Variants in ZZEF1 observed in about 807,000 individuals in gnomAD.
The protein encoded by ZZEF1 is zinc finger ZZ-type and EF-hand domain-containing protein 1.
ZZEF1 carries 157 observed loss-of-function variants against 342.8 expected under a neutral mutation model. The observed-to-expected ratio is 0.46, with a 90% confidence interval of 0.40 to 0.52. ZZEF1 has a LOEUF of 0.52. Among genes scored for constraint, ZZEF1 ranks in the 20% least tolerant of loss-of-function variants. ZZEF1 has a pLI of 0.00. For missense variants in ZZEF1, 3,480 were observed against 3,725.6 expected (o/e 0.93, Z 1.72); for synonymous variants, 1,505 against 1,429.1 (o/e 1.05, Z -1.20).
Position 4,090,852 on chromosome 17 carries a change from C to T in ZZEF1, c.1914-22G>A. On this transcript the variant is annotated intron_variant, in intron 11 of 54. Coordinates refer to ENST00000381638, the MANE Select transcript of ZZEF1 (RefSeq NM_015113.4). ...AATCCTGTAAAGACAAGAGTATTCA[C>T]AAAACATTTTATTTTGAAACTTCTC... 3 of 1,590,214 alleles carry T rather than the reference C, an allele frequency of 1.9e-6. 1 individual carries two copies. In the South Asian group the frequency reaches 3.3e-5, roughly 18 times the overall value.
rs1446638652 is a variant in ZZEF1, at chr17:4,135,720, C to T, written c.354+6822G>A. ...ACAACCTGCAGATCACTGATAACAG[C>T]GATCAGGTCCTCGGAGTTCCTGCCA... On this transcript the variant is annotated intron_variant, in intron 1 of 54. Coordinates refer to ENST00000381638, the MANE Select transcript of ZZEF1 (RefSeq NM_015113.4). Among the ~76,000 whole-genome samples the T allele has an allele frequency of 4.6e-5, 7 of 152,144 alleles. No homozygotes were observed. In the East Asian group the frequency reaches 9.6e-4, roughly 21 times the overall value.
intron 1 of ZZEF1, among the ~76,000 whole-genome samples, chr17:4,137,376 C>T (rs575994714): frequency 4.5e-4 from 69 of 152,236 alleles, no homozygotes; most frequent in South Asian, 2.3e-3. Flanking sequence ...TTTGGGAGGC[C>T]GAGGTGGGCG....
Position 4,109,714 on chromosome 17 carries a change from G to C in ZZEF1, c.1216C>G (p.Leu406Val), listed in dbSNP as rs762672001. 2 of 1,614,174 alleles carry C rather than the reference G, an allele frequency of 1.2e-6. No individual in the cohort carries two copies. The highest frequency in any genetic ancestry group is 3.3e-5 in the Admixed American group (2 of 60,018). Reference sequence around the variant, plus strand: ...TTTGTCTCCATAGAAGCCGTCACCAGAGATGTCAGCAGAGACCAATACCAT... The same window carrying C: ...TTTGTCTCCATAGAAGCCGTCACCACAGATGTCAGCAGAGACCAATACCAT... ...AIWYWSLLTS[L>V]VTASMETNPA... The change falls in exon 6 of 55, where the codon CTG becomes GTG. Residue 406 changes from leucine (L) to valine (V), a missense_variant. This residue lies in a region of ZZEF1 where 1,528 missense variants were observed against 1,624.1 expected (regional missense o/e 0.94). Coordinates refer to ENST00000381638, the MANE Select transcript of ZZEF1 (RefSeq NM_015113.4).
At chr17:4,101,618 C>T (rs558535450) in intron 9 of ZZEF1, among the ~76,000 whole-genome samples, 2 of 151,834 alleles carry the variant, frequency 1.3e-5, no homozygotes, top group South Asian at 2.1e-4. Flanking sequence ...TCTGGAAATA[C>T]CCTTCTTTGT....
At chr17:4,088,082 G>T (rs528613232) in intron 13 of ZZEF1, among the ~76,000 whole-genome samples, 2 of 152,100 alleles carry the variant, frequency 1.3e-5, no homozygotes, top group Non-Finnish European at 2.9e-5. Context: ...AATGTGCCCT[G>T]AAGCAGAATG....
chr17:4,075,408 G>T lies in ZZEF1; in HGVS notation c.3256C>A (p.Gln1086Lys). 6.2e-7 allele frequency: 1 copy of T among 1,613,962 alleles called. No individual in the cohort carries two copies. Residue 1086 changes from glutamine to lysine, a missense_variant, in exon 22 of 55, where the codon CAG (glutamine) becomes AAG (lysine). Coordinates refer to ENST00000381638, the MANE Select transcript of ZZEF1 (RefSeq NM_015113.4). Reference protein sequence around the residue: ...LRKLDVETWQQEQPVVLHTWT... With the variant: ...LRKLDVETWQKEQPVVLHTWT... ...GTATGTAACACCACAGGCTGTTCCTGTTGCCAGGTCTCAACATCCAGCTAT... is the reference window on the plus strand; with the variant it reads ...GTATGTAACACCACAGGCTGTTCCTTTTGCCAGGTCTCAACATCCAGCTAT...
intron 30 of ZZEF1, among the ~76,000 whole-genome samples, chr17:4,060,583 A>C (rs1178237206): frequency 2.0e-5 from 3 of 150,504 alleles, no homozygotes; most frequent in Admixed American, 6.6e-5. Flanking sequence ...AACAACAACA[A>C]AAAACAAACA....
chr17:4,123,483 A>G (rs1485170953), intron 2 of ZZEF1, among the ~76,000 whole-genome samples: 1 of 151,882 alleles, frequency 6.6e-6, no homozygotes, highest in African/African-American at 2.4e-5. Flanking sequence ...GTGAGGACAG[A>G]GCAGAAATAA....
At chr17:4,102,208 C>G in intron 9 of ZZEF1, 109 bp downstream of exon 9, 1 of 961,276 alleles carries the variant, frequency 1.0e-6, no homozygotes, top group Non-Finnish European at 1.6e-6. Context: ...GAGAAACAAC[C>G]TAAAATTGAA....
chr17:4,046,453 A>G (rs961740775), intron 37 of ZZEF1, among the ~76,000 whole-genome samples: 9 of 152,206 alleles, frequency 5.9e-5, no homozygotes, highest in Non-Finnish European at 1.3e-4. Flanking sequence ...AGGTCTGAGA[A>G]GGCCAAACGT....
Position 4,066,483 on chromosome 17 carries a change from T to C in ZZEF1, c.4213A>G (p.Ser1405Gly), listed in dbSNP as rs907865354. Residue 1405 changes from serine to glycine, a missense_variant, in exon 28 of 55, where the codon AGT becomes GGT. By Grantham distance (56) the Ser-to-Gly change is moderately conservative (BLOSUM62 0). Coordinates refer to ENST00000381638, the MANE Select transcript of ZZEF1 (RefSeq NM_015113.4). ...SLGNEAEEKH[S>G]SEATEVNPES... ...GGGTTCACCTCAGTAGCTTCTGAACTATGTTTTTCTTCTGCTTCATTCCCC... is the reference window on the plus strand; with the variant it reads ...GGGTTCACCTCAGTAGCTTCTGAACCATGTTTTTCTTCTGCTTCATTCCCC... The C allele has an allele frequency of 1.9e-6, 3 of 1,614,122 alleles. No individual in the cohort carries two copies. Among genetic ancestry groups the C allele is most frequent in the Non-Finnish European group, 2.5e-6 (3 of 1,180,014 alleles).
At position 4,024,528 on chromosome 17, in the gene ZZEF1, C is replaced by T. The variant is rs947466398; in HGVS notation, c.7092+391G>A. 7.2e-5 allele frequency among the ~76,000 whole-genome samples: 11 copies of T among 152,236 alleles called. No homozygotes were observed. The South Asian group carries it at 1.0e-3, about 14-fold the overall frequency. ...CCCAGCTTTTCAACTTGTCTACCTCCTTCCACTCCAACTGTCAAACCTGTT... is the reference window on the plus strand; with the variant it reads ...CCCAGCTTTTCAACTTGTCTACCTCTTTCCACTCCAACTGTCAAACCTGTT... On this transcript the variant is annotated intron_variant, in intron 43 of 54. Transcript: ENST00000381638.
At chr17:4,065,948 CA>C (rs1209761657) in intron 28 of ZZEF1, among the ~76,000 whole-genome samples, 1 of 151,974 alleles carries the variant, frequency 6.6e-6, no homozygotes, top group Non-Finnish European at 1.5e-5. Flanking sequence ...CTGGGCAACA[CA>C]GTGAGACCCC....
chr17:4,128,442 A>G (rs1422188634), intron 1 of ZZEF1, among the ~76,000 whole-genome samples: 1 of 133,296 alleles, frequency 7.5e-6, no homozygotes, highest in Non-Finnish European at 1.6e-5. Context: ...CTTCAGAGAA[A>G]TATTTTTCTA....
intron 27 of ZZEF1, 83 bp from the exon 28 acceptor site, chr17:4,066,623 C>T: frequency 1.8e-6 from 2 of 1,103,350 alleles, no homozygotes. Context: ...CAAAAGCACA[C>T]AGCACTGACA....
intron 35 of ZZEF1, 52 bp from the exon 36 acceptor site, chr17:4,051,095 G>T: frequency 6.2e-7 from 1 of 1,613,356 alleles, no homozygotes; most frequent in Non-Finnish European, 8.5e-7. Flanking sequence ...AGCTTTTGTG[G>T]CTCCAAACAG....
Position 4,109,658 on chromosome 17 carries a change from A to G in ZZEF1, c.1272T>C (p.Asn424=). 1.9e-6 allele frequency: 3 copies of G among 1,614,086 alleles called. No individual in the cohort carries two copies. The highest frequency in any genetic ancestry group is 2.5e-6 in the Non-Finnish European group (3 of 1,179,956). ...NPAFVQTVLH[N]TQKALRHMPP... is the part of the protein sequence containing the mutation. ...ACATAGAGAGAATGACTTACTGAGT[A>G]TTGTGCAGCACTGTCTGGACAAAGG... Residue 424 remains asparagine, a synonymous_variant, in exon 6 of 55, where the codon AAT becomes AAC. Transcript: ENST00000381638.
chr17:4,009,874 AT>A, intron 52 of ZZEF1, 117 bp from the exon 53 acceptor site: 1 of 1,262,710 alleles, frequency 7.9e-7, no homozygotes, highest in Non-Finnish European at 1.1e-6. Flanking sequence ...GGTACAAATG[AT>A]TATAAAGTCG....
intron 18 of ZZEF1, 65 bp downstream of exon 18, chr17:4,081,311 G>T: frequency 7.7e-7 from 1 of 1,302,148 alleles, no homozygotes; most frequent in South Asian, 1.2e-5. Flanking sequence ...GGGCACAAGA[G>T]ACTGCCACAT....
Sources: gnomAD v4.1 joint callset for allele counts (sites outside exome capture counted in the v4.1 genomes callset) on GRCh38, gnomAD v4.1.1 for gene constraint, gnomAD v4.1.1 regional missense constraint, MANE v1.5 for transcripts, NCBI Gene and HGNC (gene_info 2026-07-23, HGNC 2026-07-21) for gene names.